Variants in PLA2G4A observed in about 807,000 individuals in gnomAD.
PLA2G4A encodes phospholipase A2 group IVA, also known as cytosolic phospholipase A2.
Under a neutral mutation model 81.9 loss-of-function variants are expected in PLA2G4A, and 40 were observed. The ratio of observed to expected loss-of-function variants is 0.49; its 90% confidence interval spans 0.38 to 0.64. PLA2G4A has a LOEUF of 0.64. Among genes scored for constraint, PLA2G4A ranks in the 30% least tolerant of loss-of-function variants. The probability of loss-of-function intolerance (pLI) is 0.00; values close to 1 mark genes in which losing one functional copy is unlikely to be tolerated. For synonymous variants in PLA2G4A, 302 were observed against 296.9 expected, an observed-to-expected ratio of 1.02 and a Z score of -0.18; for missense variants, 715 against 905.1, an observed-to-expected ratio of 0.79 and a Z score of 2.69.
intron 1 of PLA2G4A, among the ~76,000 whole-genome samples, chr1:186,831,641 A>C (rs1047299740): frequency 3.3e-5 from 5 of 152,286 alleles, no homozygotes; most frequent in African/African-American, 1.2e-4. Flanking sequence ...GTTTATTATA[A>C]AGATAAATCA....
intron 15 of PLA2G4A, among the ~76,000 whole-genome samples, chr1:186,974,010 C>A (rs1275645775): frequency 1.3e-5 from 2 of 151,852 alleles, no homozygotes; most frequent in Admixed American, 6.6e-5. Flanking sequence ...CAAAAGAAAT[C>A]TGACTTCCTC....
chr1:186,921,603 G>A (rs1655353976), intron 7 of PLA2G4A, among the ~76,000 whole-genome samples: 1 of 152,096 alleles, frequency 6.6e-6, no homozygotes, highest in African/African-American at 2.4e-5. Context: ...TTCCTCTTCT[G>A]TCTACTCTGT....
At chr1:186,870,314 A>G (rs1308668412) in intron 2 of PLA2G4A, 121 bp from the exon 3 acceptor site, 9 of 712,764 alleles carry the variant, frequency 1.3e-5, no homozygotes, top group Non-Finnish European at 1.0e-5. Flanking sequence ...CCTTACATCA[A>G]AGAATGTTTC....
intron 5 of PLA2G4A, among the ~76,000 whole-genome samples, chr1:186,905,108 G>A (rs980704567): frequency 1.3e-5 from 2 of 152,132 alleles, no homozygotes; most frequent in African/African-American, 4.8e-5. Flanking sequence ...ACCTGCCTTG[G>A]TCTCCCAAAG....
At chr1:186,949,390 A>AG (rs1557887853) in intron 12 of PLA2G4A, among the ~76,000 whole-genome samples, 9 of 38,168 alleles carry the variant, frequency 2.4e-4, no homozygotes, top group South Asian at 2.9e-3. Flanking sequence ...AAAGAAAGAA[A>AG]AAAGAAAAAG....
At chr1:186,883,703 A>G (rs954976656) in intron 3 of PLA2G4A, among the ~76,000 whole-genome samples, 1 of 152,170 alleles carries the variant, frequency 6.6e-6, no homozygotes, top group African/African-American at 2.4e-5. Context: ...AGGAAATCAC[A>G]AAATAATGAT....
intron 1 of PLA2G4A, among the ~76,000 whole-genome samples, chr1:186,833,787 G>A (rs1363215791): frequency 6.6e-6 from 1 of 152,122 alleles, no homozygotes; most frequent in Non-Finnish European, 1.5e-5. Flanking sequence ...CTCACCATAA[G>A]CAGATTTGTA....
chr1:186,857,574 A>T (rs1484218384), intron 2 of PLA2G4A, among the ~76,000 whole-genome samples: 2 of 143,992 alleles, frequency 1.4e-5, no homozygotes, highest in South Asian at 2.1e-4. Context: ...ATATTAATAT[A>T]AATATAAAAT....
chr1:186,892,875 A>G lies in PLA2G4A; in HGVS notation c.116-136A>G, dbSNP rs1571373603. 5 of 696,670 alleles carry G rather than the reference A, an allele frequency of 7.2e-6. No individual in the cohort carries two copies. In the East Asian group the frequency reaches 1.3e-4, roughly 19 times the overall value. 43.2% of individuals were successfully genotyped at this position (696,670 alleles called of 1,614,324 possible). Reference sequence around the variant, plus strand: ...CCTATGATGTTTTTCTATTATGTGTATATTATCTTGTCTCAGACATTTAAA... The same window carrying G: ...CCTATGATGTTTTTCTATTATGTGTGTATTATCTTGTCTCAGACATTTAAA... On this transcript the variant is annotated intron_variant, in intron 3 of 17. Coordinates refer to ENST00000367466, the MANE Select transcript of PLA2G4A (RefSeq NM_024420.3).
intron 3 of PLA2G4A, among the ~76,000 whole-genome samples, chr1:186,888,830 A>G (rs1000624029): frequency 3.0e-5 from 3 of 100,266 alleles, no homozygotes; most frequent in Non-Finnish European, 3.9e-5. Flanking sequence ...TTTTTTTTCT[A>G]TTACTTCTTG....
chr1:186,842,573 G>T (rs1553267713), intron 1 of PLA2G4A, among the ~76,000 whole-genome samples: 1 of 152,172 alleles, frequency 6.6e-6, no homozygotes, highest in Non-Finnish European at 1.5e-5. Flanking sequence ...TCATTAAATT[G>T]AAAGGAGGCT....
At chr1:186,869,856 C>T (rs1442494859) in intron 2 of PLA2G4A, among the ~76,000 whole-genome samples, 1 of 152,128 alleles carries the variant, frequency 6.6e-6, no homozygotes, top group Non-Finnish European at 1.5e-5. Context: ...AAGTCCTCTA[C>T]CTGTTAATGT....
chr1:186,932,929 T>G (rs767904469), intron 8 of PLA2G4A, 30 bp downstream of exon 8: 1 of 1,500,444 alleles, frequency 6.7e-7, no homozygotes, highest in Non-Finnish European at 9.3e-7. Flanking sequence ...TTTAGTTTTA[T>G]AACTTTAAAT....
At chr1:186,987,312 G>A (rs1657921833) in intron 17 of PLA2G4A, among the ~76,000 whole-genome samples, 1 of 152,240 alleles carries the variant, frequency 6.6e-6, no homozygotes, top group South Asian at 2.1e-4. Context: ...TGAGTGAGAG[G>A]AGGCCATAGC....
intron 2 of PLA2G4A, among the ~76,000 whole-genome samples, chr1:186,866,803 A>C (rs761101391): frequency 6.6e-6 from 1 of 152,116 alleles, no homozygotes; most frequent in East Asian, 1.9e-4. Context: ...ATTATTATTG[A>C]GATGGTTCCT....
At chr1:186,972,280 GTTTC>G (rs1287863215) in intron 15 of PLA2G4A, among the ~76,000 whole-genome samples, 1 of 152,016 alleles carries the variant, frequency 6.6e-6, no homozygotes, top group Non-Finnish European at 1.5e-5. Flanking sequence ...ATTTTGTCAA[GTTTC>G]TTTTTGTTAA....
At chr1:186,904,966 T>C (rs1654682882) in intron 5 of PLA2G4A, among the ~76,000 whole-genome samples, 1 of 152,142 alleles carries the variant, frequency 6.6e-6, no homozygotes, top group African/African-American at 2.4e-5. Flanking sequence ...GTGATTCTCC[T>C]ACCTCAGCCT....
At chr1:186,868,071 C>CTTTTTTT (rs59978011) in intron 2 of PLA2G4A, among the ~76,000 whole-genome samples, 1 of 112,904 alleles carries the variant, frequency 8.9e-6, no homozygotes. Context: ...GTGTATAATT[C>CTTTTTTT]TTTTTTTTTT....
intron 2 of PLA2G4A, among the ~76,000 whole-genome samples, chr1:186,864,811 G>C (rs1652955945): frequency 6.6e-6 from 1 of 151,194 alleles, no homozygotes; most frequent in Non-Finnish European, 1.5e-5. Flanking sequence ...TACAACTATA[G>C]GCCAGGTGTG....
Sources: allele counts gnomAD v4.1 joint callset (sites outside exome capture counted in the v4.1 genomes callset), GRCh38; gene constraint gnomAD v4.1.1; transcripts MANE v1.5; gene names NCBI Gene and HGNC (gene_info 2026-07-23, HGNC 2026-07-21).